The following GALNT10 variants were observed in gnomAD, a reference collection of about 807,000 sequenced individuals.
GALNT10 encodes GalNAc transferase 10.
A neutral mutation model predicts 75.0 loss-of-function variants in GALNT10; 41 were observed. That is an observed-to-expected ratio of 0.55 (90% CI 0.43 to 0.71). The LOEUF is 0.71. Ranked by LOEUF, GALNT10 falls within the 30% of genes least tolerant of loss-of-function variation. The pLI is 0.00. For synonymous variants in GALNT10, 302 were observed against 313.0 expected (o/e 0.96, Z 0.37); for missense variants, 727 against 818.5 (o/e 0.89, Z 1.36).
intron 6 of GALNT10, 79 bp downstream of exon 6, chr5:154,380,710 T>C (rs2010010): frequency 0.29 from 283,562 of 966,260 alleles, 45,193 homozygotes; most frequent in East Asian, 0.52. Flanking sequence ...AGGATCGCCA[T>C]CTCCCTTAAA....
intron 4 of GALNT10, among the ~76,000 whole-genome samples, chr5:154,369,046 G>A (rs999835604): frequency 6.6e-6 from 1 of 152,148 alleles, no homozygotes; most frequent in South Asian, 2.1e-4. Context: ...TTTTCTCTTT[G>A]TCTAAGAAAG....
chr5:154,292,615 C>G (rs1421609560), intron 1 of GALNT10, among the ~76,000 whole-genome samples: 3 of 152,228 alleles, frequency 2.0e-5, no homozygotes, highest in Admixed American at 1.3e-4. Flanking sequence ...CTGGCCTACC[C>G]CAAGGCTTGG....
intron 1 of GALNT10, among the ~76,000 whole-genome samples, chr5:154,246,823 A>G (rs1734160200): frequency 6.6e-6 from 1 of 152,050 alleles, no homozygotes; most frequent in African/African-American, 2.4e-5. Flanking sequence ...ATTAGATCCC[A>G]TTTGTCAATT....
chr5:154,229,563 C>T (rs1228043983), intron 1 of GALNT10, among the ~76,000 whole-genome samples: 1 of 151,410 alleles, frequency 6.6e-6, no homozygotes, highest in African/African-American at 2.4e-5. Flanking sequence ...CCCATCTCTA[C>T]TAAAAATACA....
intron 3 of GALNT10, among the ~76,000 whole-genome samples, chr5:154,319,074 A>G (rs146832332): frequency 1.9e-3 from 289 of 152,284 alleles, no homozygotes; most frequent in South Asian, 0.011. Context: ...GTTTCAGACT[A>G]CCATTGCTTT....
chr5:154,368,166 A>G (rs193115702), intron 4 of GALNT10, among the ~76,000 whole-genome samples: 1 of 152,198 alleles, frequency 6.6e-6, no homozygotes, highest in South Asian at 2.1e-4. Context: ...TTTCTACTAA[A>G]TTCCCAAATA....
Position 154,415,875 on chromosome 5 carries a change from T to C in GALNT10, c.1596T>C (p.Pro532=), listed in dbSNP as rs1300325137. 25 of 1,614,120 alleles carry C rather than the reference T, an allele frequency of 1.5e-5. No homozygotes were observed. The highest frequency in any genetic ancestry group is 2.1e-5 in the Non-Finnish European group (25 of 1,179,996). Residue 532 remains proline (P), a synonymous_variant, in exon 11 of 12, where the codon CCT becomes CCC. Transcript: ENST00000297107. ...TTGATGCCATTTCCCACACCAGCCC[T>C]GTCACGCTGTACGACTGCCACAGCA... ...FCFDAISHTS[P]VTLYDCHSMK...
At chr5:154,246,404 AAC>A (rs1351565578) in intron 1 of GALNT10, among the ~76,000 whole-genome samples, 1 of 152,170 alleles carries the variant, frequency 6.6e-6, no homozygotes, top group Non-Finnish European at 1.5e-5. Context: ...ACAATGGTTG[AAC>A]TAGTTTACAG....
At chr5:154,370,077 A>T (rs1247705639) in intron 4 of GALNT10, among the ~76,000 whole-genome samples, 1 of 152,234 alleles carries the variant, frequency 6.6e-6, no homozygotes, top group Admixed American at 6.5e-5. Context: ...AACGAAGCAA[A>T]CTATATCTGA....
chr5:154,372,275 A>G (rs773546816), intron 4 of GALNT10, among the ~76,000 whole-genome samples: 1 of 152,172 alleles, frequency 6.6e-6, no homozygotes, highest in Non-Finnish European at 1.5e-5. Flanking sequence ...AAAGGATTAA[A>G]CAGGTGTAAA....
intron 7 of GALNT10, among the ~76,000 whole-genome samples, chr5:154,397,070 T>C (rs1756032358): frequency 6.6e-6 from 1 of 150,524 alleles, no homozygotes; most frequent in African/African-American, 2.4e-5. Context: ...GAGGTTGCAG[T>C]GAACCGAGAT....
rs1756554613 is a variant in GALNT10, at chr5:154,418,204, C to A, written c.*1232C>A. ...GTTGGGAAAGCAGGGGGACATGTGTCCCTCAGCTCAGCAGAGGCTGTGGTA... is the reference window on the plus strand; with the variant it reads ...GTTGGGAAAGCAGGGGGACATGTGTACCTCAGCTCAGCAGAGGCTGTGGTA... On this transcript the variant is annotated 3_prime_UTR_variant, in exon 12 of 12. Transcript: ENST00000297107. 1 of 152,148 alleles carries A rather than the reference C, an allele frequency of 6.6e-6. No individual in the cohort carries two copies. The highest frequency in any genetic ancestry group is 1.5e-5 in the Non-Finnish European group (1 of 68,042). The allele number at this position is 152,148 out of a possible 1,614,324, so 9.4% of individuals were successfully genotyped here.
intron 3 of GALNT10, among the ~76,000 whole-genome samples, chr5:154,323,301 G>GT (rs1481250700): frequency 6.6e-6 from 1 of 151,960 alleles, no homozygotes; most frequent in African/African-American, 2.4e-5. Context: ...GAATCCAGGA[G>GT]TTTGAAACTG....
chr5:154,222,091 A>G (rs914418643), intron 1 of GALNT10, among the ~76,000 whole-genome samples: 13 of 152,104 alleles, frequency 8.5e-5, no homozygotes, highest in African/African-American at 2.7e-4. Flanking sequence ...TATCACCTCC[A>G]AAAGGTTCTT....
At chr5:154,264,313 CAAA>C (rs372645621) in intron 1 of GALNT10, among the ~76,000 whole-genome samples, 9 of 105,168 alleles carry the variant, frequency 8.6e-5, no homozygotes, top group African/African-American at 7.0e-5. Flanking sequence ...ACTCTGTCTC[CAAA>C]AAAAAAAAAA....
At chr5:154,291,173 C>G (rs1375359862) in intron 1 of GALNT10, among the ~76,000 whole-genome samples, 1 of 152,142 alleles carries the variant, frequency 6.6e-6, no homozygotes, top group Admixed American at 6.6e-5. Flanking sequence ...ATTTTGAGAA[C>G]ATGATTCTAG....
intron 1 of GALNT10, among the ~76,000 whole-genome samples, chr5:154,293,613 A>ATATTTTTTTTTTTTTTT: frequency 2.7e-5 from 3 of 109,360 alleles, no homozygotes; most frequent in Admixed American, 1.6e-4. Context: ...ATATATATAT[A>ATATTTTTTTTTTTTTTT]TTTTTTTTTT....
At chr5:154,263,812 T>G (rs1753736560) in intron 1 of GALNT10, among the ~76,000 whole-genome samples, 1 of 152,150 alleles carries the variant, frequency 6.6e-6, no homozygotes. Flanking sequence ...CCATTACCTT[T>G]GGATTTGAAT....
chr5:154,267,494 C>T (rs1349417949), intron 1 of GALNT10, among the ~76,000 whole-genome samples: 5 of 152,212 alleles, frequency 3.3e-5, no homozygotes, highest in Non-Finnish European at 5.9e-5. Context: ...TGGAGTTCTT[C>T]ATTTCTTAAA....
Sources: gnomAD v4.1 joint callset for allele counts (sites outside exome capture counted in the v4.1 genomes callset) on GRCh38, gnomAD v4.1.1 for gene constraint, MANE v1.5 for transcripts, NCBI Gene and HGNC (gene_info 2026-07-23, HGNC 2026-07-21) for gene names.